The following PDE4D variants were observed in gnomAD, a reference collection of about 807,000 sequenced individuals.
PDE4D encodes phosphodiesterase 4D.
In PDE4D, 24 loss-of-function variants were observed where a neutral mutation model predicts 87.4. That is an observed-to-expected ratio of 0.27 (90% CI 0.20 to 0.39). The LOEUF (loss-of-function observed/expected upper bound fraction) is 0.39, where lower values mean the gene tolerates loss of function less well. Among genes scored for constraint, PDE4D ranks in the 10% least tolerant of loss-of-function variants. The pLI is 1.00. For synonymous variants in PDE4D, 384 were observed against 383.2 expected (o/e 1.00, Z -0.02); for missense variants, 714 against 1,041.0 (o/e 0.69, Z 4.32).
At chr5:59,575,265 T>C (rs906004827) in intron 1 of PDE4D, among the ~76,000 whole-genome samples, 5 of 152,192 alleles carry the variant, frequency 3.3e-5, no homozygotes, top group African/African-American at 1.2e-4. Flanking sequence ...GACCACATCA[T>C]GTACTGTGAT....
chr5:59,181,119 C>T (rs1479566461), intron 4 of PDE4D, among the ~76,000 whole-genome samples: 1 of 152,126 alleles, frequency 6.6e-6, no homozygotes, highest in African/African-American at 2.4e-5. Context: ...GCTATTTGAA[C>T]TTTTTCCTTT....
At chr5:59,826,062 C>T (rs191506562) in intron 1 of PDE4D, among the ~76,000 whole-genome samples, 1 of 152,252 alleles carries the variant, frequency 6.6e-6, no homozygotes, top group East Asian at 1.9e-4. Flanking sequence ...TCAATCAATT[C>T]CTCATGGATA....
chr5:59,489,277 A>G (rs920145432), intron 1 of PDE4D, among the ~76,000 whole-genome samples: 1 of 140,678 alleles, frequency 7.1e-6, no homozygotes, highest in Non-Finnish European at 1.6e-5. Flanking sequence ...AAAAAAAAAC[A>G]AAAAAAACAA....
intron 1 of PDE4D, among the ~76,000 whole-genome samples, chr5:60,318,679 G>T (rs1755887032): frequency 6.6e-6 from 1 of 152,042 alleles, no homozygotes; most frequent in Admixed American, 6.6e-5. Context: ...GGGCAGCCCT[G>T]GTGGTGACAA....
rs1453869965 is a variant in PDE4D, at chr5:59,900,015, G to A, written c.272+88473C>T. Among the ~76,000 whole-genome samples, 14 of 152,084 alleles carry A rather than the reference G, an allele frequency of 9.2e-5. No homozygotes were observed. In the South Asian group the frequency reaches 1.0e-3, roughly 11 times the overall value. Reference sequence around the variant, plus strand: ...CAGCACTTTGTAGGCCAAGGTGGGCGGATCACTTGATGTCAGGAGTTCAAG... The same window carrying A: ...CAGCACTTTGTAGGCCAAGGTGGGCAGATCACTTGATGTCAGGAGTTCAAG... On this transcript the variant is annotated intron_variant, in intron 3 of 16. Transcript: ENST00000502484.
intron 5 of PDE4D, among the ~76,000 whole-genome samples, chr5:59,105,386 G>A (rs1435292300): frequency 6.6e-6 from 1 of 152,066 alleles, no homozygotes; most frequent in Non-Finnish European, 1.5e-5. Flanking sequence ...ATGTTTTTAA[G>A]CACAGTGGAA....
In PDE4D at chr5:60,006,661, G is replaced by A. The variant is rs1444450739; in HGVS notation, c.43-17944C>T. Among the ~76,000 whole-genome samples the A allele has an allele frequency of 2.0e-5, 3 of 151,884 alleles. No homozygotes were observed. In the East Asian group the frequency reaches 5.8e-4, roughly 29 times the overall value. On this transcript the variant is annotated intron_variant, in intron 2 of 16. Coordinates refer to the PDE4D transcript ENST00000502484. ...GATAATGATGATACAGGATATTAAG[G>A]TTATGTGGCACTGCTCCATAATAGA...
chr5:59,549,256 C>T (rs1817737230), intron 1 of PDE4D, among the ~76,000 whole-genome samples: 1 of 152,156 alleles, frequency 6.6e-6, no homozygotes, highest in Non-Finnish European at 1.5e-5. Flanking sequence ...CAGCCAGCCA[C>T]TGTGAAATGT....
intron 2 of PDE4D, among the ~76,000 whole-genome samples, chr5:60,122,313 C>A (rs1201608205): frequency 6.6e-6 from 1 of 152,234 alleles, no homozygotes; most frequent in Non-Finnish European, 1.5e-5. Context: ...AGGCTCCAAC[C>A]CCACATTTCC....
intron 1 of PDE4D, among the ~76,000 whole-genome samples, chr5:59,290,088 T>C (rs1767725338): frequency 6.6e-6 from 1 of 152,020 alleles, no homozygotes; most frequent in Admixed American, 6.6e-5. Context: ...AAAACGTTCA[T>C]ACTACCCAAA....
At chr5:59,568,635 C>G (rs1255225662) in intron 1 of PDE4D, among the ~76,000 whole-genome samples, 1 of 152,038 alleles carries the variant, frequency 6.6e-6, no homozygotes, top group Non-Finnish European at 1.5e-5. Flanking sequence ...TCTGTGGTCT[C>G]TCTCCCCAAA....
chr5:59,050,638 G>A (rs892847876), intron 5 of PDE4D, among the ~76,000 whole-genome samples: 9 of 152,300 alleles, frequency 5.9e-5, no homozygotes, highest in Admixed American at 2.6e-4. Flanking sequence ...ACACACAGAA[G>A]AATCCACAAC....
intron 1 of PDE4D, among the ~76,000 whole-genome samples, chr5:60,274,119 G>A (rs1413117219): frequency 6.6e-6 from 1 of 152,252 alleles, no homozygotes; most frequent in East Asian, 1.9e-4. Flanking sequence ...TTTTAGCTGA[G>A]TATGAAGAGG....
chr5:59,509,266 T>A (rs1020321301), intron 1 of PDE4D, among the ~76,000 whole-genome samples: 2 of 151,878 alleles, frequency 1.3e-5, no homozygotes, highest in Non-Finnish European at 2.9e-5. Flanking sequence ...GAAGTAGTTG[T>A]CAACCCAGTA....
At chr5:59,683,357 T>C (rs1749343849) in intron 1 of PDE4D, among the ~76,000 whole-genome samples, 1 of 152,212 alleles carries the variant, frequency 6.6e-6, no homozygotes, top group Admixed American at 6.5e-5. Flanking sequence ...CTTGCCACTT[T>C]ACAGTAAATC....
intron 1 of PDE4D, among the ~76,000 whole-genome samples, chr5:59,456,876 C>T (rs1334531934): frequency 6.6e-6 from 1 of 152,114 alleles, no homozygotes; most frequent in Admixed American, 6.5e-5. Context: ...GGAAGTGGAG[C>T]CTGAAGATGT....
At chr5:60,036,469 G>A (rs1767810076) in intron 2 of PDE4D, among the ~76,000 whole-genome samples, 1 of 152,196 alleles carries the variant, frequency 6.6e-6, no homozygotes, top group Non-Finnish European at 1.5e-5. Context: ...ATGAGATAGT[G>A]AAAAGGTGTT....
chr5:60,376,802 T>C (rs1761467801), intron 1 of PDE4D, among the ~76,000 whole-genome samples: 1 of 152,342 alleles, frequency 6.6e-6, no homozygotes, highest in Admixed American at 6.5e-5. Context: ...TCTTTCCACC[T>C]GGAAACTTTC....
At chr5:59,131,479 TA>T (rs1398074433) in intron 5 of PDE4D, among the ~76,000 whole-genome samples, 1 of 152,194 alleles carries the variant, frequency 6.6e-6, no homozygotes, top group Non-Finnish European at 1.5e-5. Flanking sequence ...GAAATAACTC[TA>T]TGTCCTCATG....
Sources: allele counts gnomAD v4.1 joint callset (sites outside exome capture counted in the v4.1 genomes callset), GRCh38; gene constraint gnomAD v4.1.1; transcripts MANE v1.5; gene names NCBI Gene and HGNC (gene_info 2026-07-23, HGNC 2026-07-21).